The following GRM3 variants were observed in gnomAD, a reference collection of about 807,000 sequenced individuals.
The protein encoded by GRM3 is metabotropic glutamate receptor 3.
Under a neutral mutation model 70.5 loss-of-function variants are expected in GRM3, and 26 were observed. The observed-to-expected ratio is 0.37, with a 90% CI of 0.27 to 0.51. The LOEUF is 0.51. GRM3 is among the 20% of genes least tolerant of loss of function. The pLI is 0.93. For synonymous variants in GRM3, 443 were observed against 434.9 expected (o/e 1.02, Z -0.23); for missense variants, 859 against 1,123.8 (o/e 0.76, Z 3.37).
chr7:86,787,637 T>C (rs1797293334), intron 3 of GRM3, among the ~76,000 whole-genome samples: 1 of 152,192 alleles, frequency 6.6e-6, no homozygotes, highest in East Asian at 1.9e-4. Flanking sequence ...CAGACCCTAG[T>C]GATTTCTAGG....
intron 1 of GRM3, among the ~76,000 whole-genome samples, chr7:86,657,565 T>C (rs138275866): frequency 3.9e-5 from 6 of 152,292 alleles, no homozygotes; most frequent in African/African-American, 1.4e-4. Context: ...GGGCAGAAGA[T>C]AAAGCTCTCA....
At chr7:86,717,955 A>G (rs936373563) in intron 1 of GRM3, among the ~76,000 whole-genome samples, 3 of 150,882 alleles carry the variant, frequency 2.0e-5, no homozygotes, top group Non-Finnish European at 1.5e-5. Context: ...TAAAAAAAAA[A>G]TGCCTCACTA....
intron 1 of GRM3, among the ~76,000 whole-genome samples, chr7:86,701,030 A>C (rs953232156): frequency 9.9e-5 from 15 of 151,972 alleles, no homozygotes; most frequent in South Asian, 2.1e-4. Context: ...CACATTAGCA[A>C]GGCTCTACTA....
intron 1 of GRM3, among the ~76,000 whole-genome samples, chr7:86,651,544 G>C (rs1793605957): frequency 6.6e-6 from 1 of 152,146 alleles, no homozygotes; most frequent in South Asian, 2.1e-4. Context: ...AGGATATCTA[G>C]AGAGTATAAT....
At chr7:86,735,292 T>C (rs1355746788) in intron 1 of GRM3, among the ~76,000 whole-genome samples, 1 of 152,178 alleles carries the variant, frequency 6.6e-6, no homozygotes. Flanking sequence ...AAATGCTCTA[T>C]GCAAAACATT....
intron 1 of GRM3, among the ~76,000 whole-genome samples, chr7:86,709,615 T>C (rs1260809591): frequency 6.6e-6 from 1 of 152,066 alleles, no homozygotes; most frequent in Non-Finnish European, 1.5e-5. Flanking sequence ...TCCCCAAAGA[T>C]GGACACCTGA....
In GRM3 at chr7:86,850,378, G is replaced by A. The variant is rs76035289; in HGVS notation, c.2400G>A (p.Thr800=). The change falls in exon 5 of 6, where the codon ACG becomes ACA. Residue 800 remains threonine, a synonymous_variant. Transcript: ENST00000361669. ...YVTSSDYRVQ[T]TTMCISVSLS... is the part of the protein sequence containing the mutation. ...CCAACCTTCTCTTGTAGGTGCAGAC[G>A]ACAACCATGTGCATCTCTGTCAGCC... 2.4e-3 allele frequency: 3,909 copies of A among 1,612,282 alleles called. 46 individuals carry two copies. The African/African-American group carries it at 0.039, about 16-fold the overall frequency.
At chr7:86,797,805 C>T (rs1298929786) in intron 3 of GRM3, among the ~76,000 whole-genome samples, 2 of 152,126 alleles carry the variant, frequency 1.3e-5, no homozygotes, top group East Asian at 1.9e-4. Flanking sequence ...CCCATCACAA[C>T]TCAGAAGGCC....
At chr7:86,765,995 G>C (rs1157085956) in intron 2 of GRM3, among the ~76,000 whole-genome samples, 1 of 152,112 alleles carries the variant, frequency 6.6e-6, no homozygotes, top group Non-Finnish European at 1.5e-5. Context: ...ATCTAGCCCA[G>C]GAATGTTCTC....
chr7:86,706,573 CAAG>C (rs953691233), intron 1 of GRM3, among the ~76,000 whole-genome samples: 8 of 151,910 alleles, frequency 5.3e-5, no homozygotes, highest in African/African-American at 1.7e-4. Context: ...CACTACAAAT[CAAG>C]GAGATGACAC....
At chr7:86,692,209 CATA>C (rs1234728433) in intron 1 of GRM3, among the ~76,000 whole-genome samples, 12 of 152,280 alleles carry the variant, frequency 7.9e-5, no homozygotes, top group Non-Finnish European at 1.6e-4. Context: ...TTTCCAAGTA[CATA>C]ATAAGTGTTC....
At chr7:86,681,044 A>G (rs886758088) in intron 1 of GRM3, among the ~76,000 whole-genome samples, 1 of 152,146 alleles carries the variant, frequency 6.6e-6, no homozygotes, top group Non-Finnish European at 1.5e-5. Context: ...CAGCATTTCT[A>G]TAGCAGGATT....
At chr7:86,742,025 G>A (rs1796002472) in intron 1 of GRM3, among the ~76,000 whole-genome samples, 1 of 152,158 alleles carries the variant, frequency 6.6e-6, no homozygotes, top group Non-Finnish European at 1.5e-5. Context: ...GCTTGGTGGA[G>A]ACAACTCATC....
intron 1 of GRM3, among the ~76,000 whole-genome samples, chr7:86,674,370 A>G (rs1376255692): frequency 2.0e-5 from 3 of 152,116 alleles, no homozygotes; most frequent in Admixed American, 1.3e-4. Context: ...GAAAGAGAAC[A>G]AAGAAGAAGC....
At chr7:86,755,544 C>T (rs1442209999) in intron 1 of GRM3, among the ~76,000 whole-genome samples, 1 of 152,042 alleles carries the variant, frequency 6.6e-6, no homozygotes, top group Non-Finnish European at 1.5e-5. Flanking sequence ...GAGAAATGCT[C>T]AAAGGGCTTG....
intron 1 of GRM3, among the ~76,000 whole-genome samples, chr7:86,755,807 C>CAT (rs1796332796): frequency 6.6e-6 from 1 of 151,964 alleles, no homozygotes; most frequent in South Asian, 2.1e-4. Context: ...TGAAGGCAAA[C>CAT]ATATATATAC....
rs575620244 is a variant in GRM3, at chr7:86,793,133, T to C, written c.1324+6017T>C. 4.0e-5 allele frequency among the ~76,000 whole-genome samples: 6 copies of C among 150,370 alleles called. No homozygotes were observed. The South Asian group carries it at 6.4e-4, about 16-fold the overall frequency. The stretch of plus-strand genomic sequence containing the variant: ...TCTTATGTTTACAATTCTCTACACC[T>C]GGAAGAGGAGAAGAGGCAGAAAATG... On this transcript the variant is annotated intron_variant, in intron 3 of 5. Transcript: ENST00000361669.
intron 5 of GRM3, among the ~76,000 whole-genome samples, chr7:86,860,193 A>G (rs1798928321): frequency 6.6e-6 from 1 of 152,206 alleles, no homozygotes; most frequent in Non-Finnish European, 1.5e-5. Flanking sequence ...TAAAAATCTC[A>G]TGAGGATTTC....
At position 86,799,724 on chromosome 7, in the gene GRM3, T is replaced by A. The variant is rs192656772; in HGVS notation, c.1324+12608T>A. 1.5e-3 allele frequency among the ~76,000 whole-genome samples: 232 copies of A among 152,120 alleles called. 4 individuals are homozygous for A. In the East Asian group the frequency reaches 0.032, roughly 21 times the overall value. On this transcript the variant is annotated intron_variant, in intron 3 of 5. Transcript: ENST00000361669. The stretch of plus-strand genomic sequence containing the variant: ...TGTATTTTTTTTAGTAGAGACAGGG[T>A]TTCACTGTGTTAGCCAGGATGGTCT...
Sources: allele counts gnomAD v4.1 joint callset (sites outside exome capture counted in the v4.1 genomes callset), GRCh38; gene constraint gnomAD v4.1.1; transcripts MANE v1.5; gene names NCBI Gene and HGNC (gene_info 2026-07-23, HGNC 2026-07-21).